UBE2R2: variants seen among roughly 807,000 people sequenced by gnomAD.
UBE2R2 encodes ubiquitin-conjugating enzyme E2 R2.
A neutral mutation model predicts 27.8 loss-of-function variants in UBE2R2; 1 was observed. That is an observed-to-expected ratio of 0.04 (90% CI 0.01 to 0.17). The LOEUF is 0.17. Among genes scored for constraint, UBE2R2 ranks in the 10% least tolerant of loss-of-function variants. The probability of loss-of-function intolerance (pLI) is 1.00; values close to 1 mark genes in which losing one functional copy is unlikely to be tolerated. For synonymous variants in UBE2R2, 106 were observed against 113.3 expected, an observed-to-expected ratio of 0.94 and a Z score of 0.41; for missense variants, 100 against 291.0, an observed-to-expected ratio of 0.34 and a Z score of 4.78.
At chr9:33,829,797 T>G (rs1042264798) in intron 1 of UBE2R2, among the ~76,000 whole-genome samples, 1 of 149,810 alleles carries the variant, frequency 6.7e-6, no homozygotes, top group Admixed American at 6.7e-5. Context: ...GCAATCGTTT[T>G]TTTTTTTTTT....
chr9:33,886,568 T>A (rs545070136), intron 1 of UBE2R2, among the ~76,000 whole-genome samples: 22 of 149,574 alleles, frequency 1.5e-4, no homozygotes, highest in Admixed American at 1.3e-3. Flanking sequence ...GGCAGGAGAA[T>A]CGCTTGGACC....
At chr9:33,911,177 G>C (rs546258784) in intron 3 of UBE2R2, among the ~76,000 whole-genome samples, 1 of 151,928 alleles carries the variant, frequency 6.6e-6, no homozygotes, top group South Asian at 2.1e-4. Flanking sequence ...GGGAGGTTGA[G>C]GAGGGCGGAT....
intron 1 of UBE2R2, among the ~76,000 whole-genome samples, chr9:33,863,045 A>G (rs1020566627): frequency 6.6e-6 from 1 of 151,972 alleles, no homozygotes; most frequent in African/African-American, 2.4e-5. Context: ...AAAATTAGCC[A>G]GGCATGGTGG....
At chr9:33,825,110 A>T (rs1319066080) in intron 1 of UBE2R2, among the ~76,000 whole-genome samples, 1 of 152,138 alleles carries the variant, frequency 6.6e-6, no homozygotes. Flanking sequence ...TTCCTTAAAG[A>T]TAGTAAGTGA....
At chr9:33,884,198 A>ATCTCTCTCTCTCTCTCTC (rs777923492) in intron 1 of UBE2R2, among the ~76,000 whole-genome samples, 3,193 of 63,422 alleles carry the variant, frequency 0.05, 502 homozygotes, top group East Asian at 0.087. Flanking sequence ...CAACTTAAGA[A>ATCTCTCTCTCTCTCTCTC]TCTCTCTCTC....
Position 33,899,725 on chromosome 9 carries a change from C to A in UBE2R2, c.265-449C>A, listed in dbSNP as rs764106042. The stretch of plus-strand genomic sequence containing the variant: ...GTTTCGCCATGCTGGTCTCAAACTC[C>A]TGACCTCAGGTGGTCCACCCGCCTT... On this transcript the variant is annotated intron_variant, in intron 2 of 4. Coordinates refer to ENST00000263228, the MANE Select transcript of UBE2R2 (RefSeq NM_017811.4). Among the ~76,000 whole-genome samples the A allele has an allele frequency of 2.6e-5, 4 of 152,104 alleles. No homozygotes were observed. The East Asian group carries it at 7.7e-4, about 29-fold the overall frequency.
At chr9:33,836,774 T>A (rs1275534937) in intron 1 of UBE2R2, among the ~76,000 whole-genome samples, 1 of 151,106 alleles carries the variant, frequency 6.6e-6, no homozygotes, top group Non-Finnish European at 1.5e-5. Flanking sequence ...AAAAAATATA[T>A]ATATATATAT....
chr9:33,884,046 T>C (rs1015584160), intron 1 of UBE2R2, among the ~76,000 whole-genome samples: 9 of 152,022 alleles, frequency 5.9e-5, no homozygotes. Context: ...TAGTCCCATC[T>C]ACTCAGGTGG....
chr9:33,916,920 A>C (rs1410565946), intron 4 of UBE2R2, 98 bp from the exon 5 acceptor site: 6 of 1,500,728 alleles, frequency 4.0e-6, no homozygotes, highest in Non-Finnish European at 5.3e-6. Context: ...AAGTTTGGAG[A>C]GCTGAGTCAT....
intron 1 of UBE2R2, among the ~76,000 whole-genome samples, chr9:33,878,195 A>G (rs1821657262): frequency 6.6e-6 from 1 of 152,226 alleles, no homozygotes; most frequent in African/African-American, 2.4e-5. Context: ...ACTGAGATAT[A>G]AATTAAGTAA....
chr9:33,883,242 T>C (rs564658888), intron 1 of UBE2R2, among the ~76,000 whole-genome samples: 4 of 152,306 alleles, frequency 2.6e-5, no homozygotes, highest in African/African-American at 7.2e-5. Context: ...TTCTCTCTTA[T>C]CTTAGTCCTC....
At chr9:33,916,080 T>A (rs1247677891) in intron 4 of UBE2R2, among the ~76,000 whole-genome samples, 1 of 152,170 alleles carries the variant, frequency 6.6e-6, no homozygotes, top group African/African-American at 2.4e-5. Context: ...CAGTGGCTCA[T>A]GCCTGTAATC....
chr9:33,906,705 G>A lies in UBE2R2; in HGVS notation c.363-5259G>A, dbSNP rs564070957. On this transcript the variant is annotated intron_variant, in intron 3 of 4. Transcript: ENST00000263228. ...TGAAAATGGGCAAATGGAGTATTACGCATTGGGTCATACAATCCTAATTTC... is the reference window on the plus strand; with the variant it reads ...TGAAAATGGGCAAATGGAGTATTACACATTGGGTCATACAATCCTAATTTC... Among the ~76,000 whole-genome samples, 3 of 152,244 alleles carry A rather than the reference G, an allele frequency of 2.0e-5. No individual in the cohort carries two copies. In the South Asian group the frequency reaches 6.2e-4, roughly 32 times the overall value.
At position 33,886,981 on chromosome 9, in the gene UBE2R2, C is replaced by T; in HGVS notation, c.264+14C>T. The T allele has an allele frequency of 1.9e-6, 3 of 1,574,918 alleles. No homozygotes were observed. Among genetic ancestry groups the T allele is most frequent in the Non-Finnish European group, 2.6e-6 (3 of 1,167,338 alleles). On this transcript the variant is annotated intron_variant, in intron 2 of 4. Transcript: ENST00000263228. ...AACATTTATGAGGTAAGGAGACATC[C>T]ATCATAAATTTCTCTGAAGATTTTT...
intron 2 of UBE2R2, among the ~76,000 whole-genome samples, chr9:33,889,711 G>A (rs1487046460): frequency 6.6e-6 from 1 of 152,050 alleles, no homozygotes; most frequent in African/African-American, 2.4e-5. Context: ...TTTTTGAGAT[G>A]GAGTCTCGTT....
intron 1 of UBE2R2, among the ~76,000 whole-genome samples, chr9:33,884,222 C>CTCTCTCTG (rs1371213126): frequency 6.8e-6 from 1 of 146,228 alleles, no homozygotes; most frequent in Non-Finnish European, 1.5e-5. Context: ...CTCTCTCTCT[C>CTCTCTCTG]TCTCTCTCTC....
At chr9:33,818,358 T>C (rs959697521) in intron 1 of UBE2R2, among the ~76,000 whole-genome samples, 5 of 128,478 alleles carry the variant, frequency 3.9e-5, no homozygotes, top group Non-Finnish European at 8.1e-5. Flanking sequence ...ATTGGACTTT[T>C]CTTTTTTGGG....
intron 1 of UBE2R2, among the ~76,000 whole-genome samples, chr9:33,877,823 G>GTCTGTCTGTCTGTCTGTCTCTC: frequency 7.6e-6 from 1 of 131,128 alleles, no homozygotes; most frequent in African/African-American, 3.3e-5. Context: ...CTGTCTGTCT[G>GTCTGTCTGTCTGTCTGTCTCTC]TCTCTCTCTC....
intron 1 of UBE2R2, among the ~76,000 whole-genome samples, chr9:33,849,165 G>C (rs922750492): frequency 4.6e-5 from 7 of 152,070 alleles, no homozygotes; most frequent in African/African-American, 1.7e-4. Flanking sequence ...GCTGAGACAG[G>C]AGAATCTCTT....
Sources: gnomAD v4.1 joint callset for allele counts (sites outside exome capture counted in the v4.1 genomes callset) on GRCh38, gnomAD v4.1.1 for gene constraint, MANE v1.5 for transcripts, NCBI Gene and HGNC (gene_info 2026-07-23, HGNC 2026-07-21) for gene names.